Variants in GRAMD1B observed in about 807,000 individuals in gnomAD.
The protein encoded by GRAMD1B is GRAM domain containing 1B.
GRAMD1B carries 37 observed loss-of-function variants against 99.7 expected under a neutral mutation model. That is an observed-to-expected ratio of 0.37 (90% CI 0.29 to 0.49). The LOEUF is 0.49. GRAMD1B is among the 20% of genes least tolerant of loss of function. The pLI is 0.98. For missense variants in GRAMD1B, 888 were observed against 1,009.2 expected (o/e 0.88, Z 1.63); for synonymous variants, 427 against 387.6 (o/e 1.10, Z -1.19).
rs566589289 is a variant in GRAMD1B, at chr11:123,587,009, A to G, written c.684+2677A>G. On this transcript the variant is annotated intron_variant, in intron 4 of 19. Coordinates refer to ENST00000635736, the MANE Select transcript of GRAMD1B (RefSeq NM_001387025.1). This position sits in a 1 kb window ranked among gnomAD's most constrained non-coding sequence, Gnocchi z 4.2. ...GCAGTGAGGGCCAGTGCCCTGCAGA[A>G]TCGCTGATAGTGGCAAGAGCATTCA... 2.6e-5 allele frequency among the ~76,000 whole-genome samples: 4 copies of G among 152,326 alleles called. No individual in the cohort carries two copies. The highest frequency in any genetic ancestry group is 2.1e-4 in the South Asian group (1 of 4,826).
At chr11:123,383,585 G>A (rs575741326) in intron 1 of GRAMD1B, among the ~76,000 whole-genome samples, 1 of 152,046 alleles carries the variant, frequency 6.6e-6, no homozygotes, top group South Asian at 2.1e-4. Context: ...CCACCACCTG[G>A]GCTGTCGGTC....
At chr11:123,422,748 C>T (rs1411580580) in intron 1 of GRAMD1B, among the ~76,000 whole-genome samples, 1 of 152,172 alleles carries the variant, frequency 6.6e-6, no homozygotes, top group Non-Finnish European at 1.5e-5. Context: ...GGGTCTTCTG[C>T]TGGAAATATG....
intron 3 of GRAMD1B, among the ~76,000 whole-genome samples, chr11:123,579,502 CAGG>C (rs1788083009): frequency 6.6e-6 from 1 of 152,192 alleles, no homozygotes; most frequent in African/African-American, 2.4e-5. Context: ...AGGAAGCCAG[CAGG>C]AGATCTCTGT....
In GRAMD1B at chr11:123,480,813, C is replaced by G; in HGVS notation, c.375-3C>G. ...ACGGTTGATATCCTATGTCTTTCCT[C>G]AGCAGCCAACAGAGCAGTCAGCAGA... is the stretch of plus-strand genomic sequence containing the variant. On this transcript the variant is annotated splice_polypyrimidine_tract_variant and splice_region_variant and intron_variant, in intron 1 of 19. Transcript: ENST00000635736. The G allele has an allele frequency of 2.5e-6, 1 of 398,940 alleles. No homozygotes were observed. Among genetic ancestry groups the G allele is most frequent in the Non-Finnish European group, 4.4e-6 (1 of 226,154 alleles). 24.7% of individuals were successfully genotyped at this position (398,940 alleles called of 1,614,324 possible).
At chr11:123,607,082 A>G (rs1297904914) in intron 11 of GRAMD1B, among the ~76,000 whole-genome samples, 1 of 152,142 alleles carries the variant, frequency 6.6e-6, no homozygotes, top group Non-Finnish European at 1.5e-5. Context: ...ACAGACACGC[A>G]AGTCTAGGCA....
chr11:123,360,815 CCT>C (rs1946120674), intron 1 of GRAMD1B, among the ~76,000 whole-genome samples: 1 of 143,264 alleles, frequency 7.0e-6, no homozygotes, highest in East Asian at 2.1e-4. Context: ...TTCCTTCCTT[CCT>C]TCCTTCCTTC....
At chr11:123,396,966 A>G (rs1565472286) in intron 1 of GRAMD1B, among the ~76,000 whole-genome samples, 1 of 152,206 alleles carries the variant, frequency 6.6e-6, no homozygotes, top group Admixed American at 6.5e-5. Context: ...TTTTAACTCA[A>G]CTTCACTGGG....
upstream of GRAMD1B, among the ~76,000 whole-genome samples, chr11:123,427,530 G>C (rs970717658): frequency 6.6e-6 from 1 of 152,216 alleles, no homozygotes; most frequent in African/African-American, 2.4e-5. Context: ...AGTCTTAACA[G>C]TAATGTTGGC....
chr11:123,613,659 G>A lies in GRAMD1B; in HGVS notation c.2227+1G>A. On this transcript the variant is annotated splice_donor_variant, in intron 16 of 19. Transcript: ENST00000635736. LOFTEE classifies it high-confidence loss of function. ...GGCCACAGGATCAAACATGTGGCAG[G>A]TGTGTGCCAGGTGGGGACAGGTCGG... The A allele has an allele frequency of 6.2e-7, 1 of 1,611,612 alleles. No homozygotes were observed. Among genetic ancestry groups the A allele is most frequent in the Non-Finnish European group, 8.5e-7 (1 of 1,178,746 alleles).
intron 2 of GRAMD1B, among the ~76,000 whole-genome samples, chr11:123,486,554 G>GAAAAAAAAAAAA (rs770942713): frequency 9.8e-6 from 1 of 102,292 alleles, no homozygotes; most frequent in Non-Finnish European, 2.2e-5. Context: ...TCTCAAAAAA[G>GAAAAAAAAAAAA]AAAAAAAAAA....
At chr11:123,513,927 A>G (rs1941420022) in intron 2 of GRAMD1B, among the ~76,000 whole-genome samples, 1 of 152,064 alleles carries the variant, frequency 6.6e-6, no homozygotes, top group African/African-American at 2.4e-5. Context: ...CAGTGCTGGG[A>G]TTATAGGCTT....
chr11:123,363,589 T>TTGTTTG lies in GRAMD1B; in HGVS notation c.-176+4791_-176+4792insGTTTGT, dbSNP rs201205578. On this transcript the variant is annotated intron_variant, in intron 1 of 20. Coordinates refer to the GRAMD1B transcript ENST00000638157. ...CTCATACTTTTTTTTTGTTTGTTTT[T>TTGTTTG]TTTTGGCACTGGGTTTGGTTCCAGA... Among the ~76,000 whole-genome samples, 1,121 of 152,134 alleles carry TTGTTTG rather than the reference T, an allele frequency of 7.4e-3. 17 individuals are homozygous for TTGTTTG. Among genetic ancestry groups the TTGTTTG allele is most frequent in the African/African-American group, 0.026 (1,078 of 41,416 alleles).
At chr11:123,577,137 G>A (rs527585638) in intron 2 of GRAMD1B, among the ~76,000 whole-genome samples, 83 of 152,360 alleles carry the variant, frequency 5.4e-4, no homozygotes, top group African/African-American at 1.9e-3. Context: ...ATTGCCCGTT[G>A]GCTCGTGCGT....
chr11:123,613,162 G>C, intron 15 of GRAMD1B: 1 of 553,714 alleles, frequency 1.8e-6, no homozygotes, highest in Non-Finnish European at 3.2e-6. Flanking sequence ...GTGACGAGAA[G>C]TATTTGTAAA....
chr11:123,579,902 G>C (rs1022331071), intron 3 of GRAMD1B, among the ~76,000 whole-genome samples: 1 of 152,224 alleles, frequency 6.6e-6, no homozygotes, highest in African/African-American at 2.4e-5. Flanking sequence ...TGAGAGCTGA[G>C]CAGGAATCAG....
In GRAMD1B at chr11:123,560,211, A is replaced by G. The variant is rs966577090; in HGVS notation, c.453-17156A>G. The G allele has an allele frequency of 3.9e-6, 4 of 1,030,516 alleles. No individual in the cohort carries two copies. In the Admixed American group the frequency reaches 1.6e-4, roughly 42 times the overall value. 63.8% of individuals were successfully genotyped at this position (1,030,516 alleles called of 1,614,324 possible). ...TGTGCGCGTGTGCGTGTCTGCGCGC[A>G]AGAGGGGTGCGTGTCTGAGTGTGTC... On this transcript the variant is annotated intron_variant, in intron 2 of 19. Coordinates refer to ENST00000635736, the MANE Select transcript of GRAMD1B (RefSeq NM_001387025.1).
chr11:123,462,501 C>T (rs1206314516), intron 1 of GRAMD1B, among the ~76,000 whole-genome samples: 1 of 152,216 alleles, frequency 6.6e-6, no homozygotes, highest in African/African-American at 2.4e-5. Context: ...AGCTCAGCCC[C>T]TGAGTCCCAG....
intron 4 of GRAMD1B, among the ~76,000 whole-genome samples, chr11:123,593,553 T>G (rs564860383): frequency 6.6e-6 from 1 of 152,138 alleles, no homozygotes. Flanking sequence ...TAATTCTCTA[T>G]CTCTGCGCTT....
At chr11:123,392,537 G>T (rs1274187905) in intron 1 of GRAMD1B, among the ~76,000 whole-genome samples, 1 of 151,734 alleles carries the variant, frequency 6.6e-6, no homozygotes, top group Admixed American at 6.6e-5. Context: ...ATAAAGCTAT[G>T]GAATTATGGC....
Sources: allele counts gnomAD v4.1 joint callset (sites outside exome capture counted in the v4.1 genomes callset), GRCh38; gene constraint gnomAD v4.1.1; non-coding constraint Gnocchi (gnomAD v3.1); transcripts MANE v1.5; gene names NCBI Gene and HGNC (gene_info 2026-07-23, HGNC 2026-07-21).